CLEC4A: variants seen among roughly 807,000 people sequenced by gnomAD.
CLEC4A encodes C-type (calcium dependent, carbohydrate-recognition domain) lectin, superfamily member 6.
CLEC4A carries 27 observed loss-of-function variants against 32.7 expected under a neutral mutation model. That is an observed-to-expected ratio of 0.83 (90% confidence interval 0.61 to 1.14). CLEC4A has a LOEUF of 1.14. CLEC4A is among the 50% of genes most tolerant of loss of function. The pLI is 0.00. For synonymous variants in CLEC4A, 89 were observed against 93.7 expected (o/e 0.95, Z 0.29); for missense variants, 253 against 274.6 (o/e 0.92, Z 0.55).
At chr12:8,137,280 CT>C (rs11338462) in intron 5 of CLEC4A, among the ~76,000 whole-genome samples, 132,997 of 151,680 alleles carry the variant, frequency 0.88, 58,557 homozygotes, top group East Asian at 0.96. Context: ...TTTAATAATG[CT>C]TTTTTTTTCT....
chr12:8,123,825 T>G lies in CLEC4A; in HGVS notation c.-54T>G. 1 of 1,286,032 alleles carries G rather than the reference T, an allele frequency of 7.8e-7. No homozygotes were observed. 79.7% of individuals were successfully genotyped at this position (1,286,032 alleles called of 1,614,324 possible). A position where few individuals can be genotyped will look rare whatever the true frequency, so the allele number is the denominator to read the frequency against. On this transcript the variant is annotated 5_prime_UTR_variant, in exon 1 of 6. Transcript: ENST00000229332. ...GTTTGGTTCCTGTTTATAAGATGTT[T>G]TAAGAAAGATCTGAAACAGATTTTC...
chr12:8,134,549 G>A, intron 3 of CLEC4A: 3 of 1,613,614 alleles, frequency 1.9e-6, no homozygotes, highest in Non-Finnish European at 2.5e-6. Flanking sequence ...TCTCCACCCC[G>A]ACTCCTGCTT....
intron 3 of CLEC4A, among the ~76,000 whole-genome samples, chr12:8,131,345 G>A (rs1947992780): frequency 1.3e-5 from 2 of 152,164 alleles, no homozygotes; most frequent in Non-Finnish European, 1.5e-5. Context: ...ATTCATGAGG[G>A]TGGATTATGG....
the CLEC4A span, among the ~76,000 whole-genome samples, chr12:8,107,453 CA>C: frequency 6.6e-6 from 1 of 152,072 alleles, no homozygotes; most frequent in Non-Finnish European, 1.5e-5. Flanking sequence ...AATAGTTCAG[CA>C]GGAACCTCTT....
intron 3 of CLEC4A, 85 bp downstream of exon 3, chr12:8,129,447 AGATCATACT>A: frequency 1.1e-6 from 1 of 891,332 alleles, no homozygotes; most frequent in East Asian, 2.4e-5. Context: ...ATTCCCAGGT[AGATCATACT>A]GAAAAGTTGA....
At chr12:8,134,068 GTGGC>G (rs1271255533) in intron 3 of CLEC4A, 41 of 1,591,042 alleles carry the variant, frequency 2.6e-5, no homozygotes, top group Non-Finnish European at 3.5e-5. Flanking sequence ...GCTGGGCGAT[GTGGC>G]TGATCTGCTG....
chr12:8,117,181 A>T, the CLEC4A span, among the ~76,000 whole-genome samples: 1 of 150,892 alleles, frequency 6.6e-6, no homozygotes, highest in Non-Finnish European at 1.5e-5. Context: ...AGAAGCAACT[A>T]TTCTACTCTA....
chr12:8,135,873 T>G, intron 4 of CLEC4A, 137 bp downstream of exon 4: 1 of 795,402 alleles, frequency 1.3e-6, no homozygotes, highest in Non-Finnish European at 1.9e-6. Flanking sequence ...TAGAAAGGGC[T>G]CCTAAGCCTT....
the CLEC4A span, among the ~76,000 whole-genome samples, chr12:8,110,913 G>A: frequency 4.0e-5 from 6 of 150,050 alleles, no homozygotes; most frequent in Admixed American, 1.3e-4. Context: ...TCGCTCTGTC[G>A]CCCAGGCTGG....
chr12:8,133,653 C>A (rs1948039072), intron 3 of CLEC4A: 1 of 1,388,604 alleles, frequency 7.2e-7, no homozygotes, highest in Admixed American at 2.0e-5. Flanking sequence ...CTTTGTGTTC[C>A]CAATTCCTTC....
At chr12:8,137,304 G>C (rs777010827) in intron 5 of CLEC4A, among the ~76,000 whole-genome samples, 3 of 151,878 alleles carry the variant, frequency 2.0e-5, no homozygotes, top group African/African-American at 7.3e-5. Flanking sequence ...TTTGAGACAG[G>C]GTCTTACTCT....
chr12:8,125,136 C>T (rs1343601136), intron 1 of CLEC4A, among the ~76,000 whole-genome samples: 1 of 151,736 alleles, frequency 6.6e-6, no homozygotes, highest in African/African-American at 2.4e-5. Flanking sequence ...TACTATGCAA[C>T]CATAATAAGG....
chr12:8,133,962 A>C (rs1164576396), intron 3 of CLEC4A: 180 of 1,609,050 alleles, frequency 1.1e-4, no homozygotes, highest in Non-Finnish European at 1.5e-4. Context: ...ACAGCCTCAA[A>C]ATCCTCTCGT....
chr12:8,134,195 A>G, intron 3 of CLEC4A: 2 of 1,610,816 alleles, frequency 1.2e-6, no homozygotes, highest in South Asian at 2.2e-5. Flanking sequence ...TGCTTTGCAT[A>G]TCTCCTGAAG....
At chr12:8,103,733 A>G in the CLEC4A span, among the ~76,000 whole-genome samples, 2 of 152,070 alleles carry the variant, frequency 1.3e-5, no homozygotes, top group Non-Finnish European at 2.9e-5. Flanking sequence ...TGCTAAATTA[A>G]AATTTTTTCT....
At chr12:8,104,203 G>A in the CLEC4A span, among the ~76,000 whole-genome samples, 1 of 151,692 alleles carries the variant, frequency 6.6e-6, no homozygotes, top group Non-Finnish European at 1.5e-5. Context: ...ATTTTAGAAA[G>A]GCCAGTCCAT....
intron 3 of CLEC4A, 60 bp downstream of exon 3, chr12:8,129,422 A>G (rs952351459): frequency 9.2e-7 from 1 of 1,087,596 alleles, no homozygotes; most frequent in Non-Finnish European, 1.4e-6. Flanking sequence ...ATCCCAAATC[A>G]ATATTTCCAG....
upstream of CLEC4A, chr12:8,123,580 G>A (rs939910557): frequency 1.0e-4 from 24 of 239,888 alleles, no homozygotes; most frequent in Admixed American, 3.3e-4. Flanking sequence ...TCCTCTTTCC[G>A]CAACCCTTTG....
In CLEC4A at chr12:8,136,910, A is replaced by G. The variant is rs763519457; in HGVS notation, c.566+7A>G. 6.4e-7 allele frequency: 1 copy of G among 1,572,498 alleles called. No homozygotes were observed. The highest frequency in any genetic ancestry group is 1.7e-5 in the Admixed American group (1 of 59,726). ...CATACAATGAAAGTTCCACGTGAGT[A>G]TAGAATGAGATAAAAGAATCTTGGG... On this transcript the variant is annotated splice_region_variant and intron_variant, in intron 5 of 5. Coordinates refer to ENST00000229332, the MANE Select transcript of CLEC4A (RefSeq NM_016184.4).
Sources: allele counts gnomAD v4.1 joint callset (sites outside exome capture counted in the v4.1 genomes callset), GRCh38; gene constraint gnomAD v4.1.1; transcripts MANE v1.5; gene names NCBI Gene and HGNC (gene_info 2026-07-23, HGNC 2026-07-21).